The following DOC2A variants were observed in gnomAD, a reference collection of about 807,000 sequenced individuals.
The protein encoded by DOC2A is double C2 domain alpha, also known as double C2-like domain-containing protein alpha.
Under a neutral mutation model 40.6 loss-of-function variants are expected in DOC2A, and 28 were observed. That is an observed-to-expected ratio of 0.69 (90% CI 0.51 to 0.95). The LOEUF (loss-of-function observed/expected upper bound fraction) is 0.95, where lower values mean the gene tolerates loss of function less well. Among genes scored for constraint, DOC2A ranks in the 40% least tolerant of loss-of-function variants. The probability of loss-of-function intolerance (pLI) is 0.00; values close to 1 mark genes in which losing one functional copy is unlikely to be tolerated. For synonymous variants in DOC2A, 241 were observed against 236.9 expected, an observed-to-expected ratio of 1.02 and a Z score of -0.16; for missense variants, 474 against 552.5, an observed-to-expected ratio of 0.86 and a Z score of 1.42.
upstream of DOC2A, among the ~76,000 whole-genome samples, chr16:30,011,964 A>T (rs2070789444): frequency 1.3e-5 from 2 of 151,122 alleles, no homozygotes; most frequent in South Asian, 4.2e-4. Context: ...GCCATTTCTC[A>T]CCCAAACCTT....
At position 30,020,847 on chromosome 16, in the gene DOC2A, A is replaced by AAAAAC. The variant is rs1378776160; in HGVS notation, c.-376+331_-376+335dup. 2.1e-4 allele frequency among the ~76,000 whole-genome samples: 32 copies of AAAAAC among 152,082 alleles called. No individual in the cohort carries two copies. In the South Asian group the frequency reaches 4.8e-3, roughly 23 times the overall value. ...GGGCAACAGACAGAGACTCCATCTA[A>AAAAAC]AAAACAAAACAAAACAAAACAAAAA... On this transcript the variant is annotated intron_variant, in intron 1 of 5. Transcript: ENST00000574405.
chr16:30,007,341 G>A (rs768639487), intron 5 of DOC2A, 42 bp from the exon 6 acceptor site: 3 of 1,612,954 alleles, frequency 1.9e-6, no homozygotes, highest in South Asian at 1.1e-5. Flanking sequence ...GGGTACCTGA[G>A]CCCCGTTCCG....
rs1234462549 is a variant in DOC2A at position 30,010,971 on chromosome 16, A to G, written c.-82T>C. ...GCAGGCTGGGCGGCGGCGGCCGGCG[A>G]GGAGAGCGCGGAGTCGAGCTGTGCG... On this transcript the variant is annotated 5_prime_UTR_variant, in exon 1 of 11. Transcript: ENST00000350119. This position sits in a 1 kb window ranked among gnomAD's most constrained non-coding sequence, Gnocchi z 4.2. 3.0e-6 allele frequency: 3 copies of G among 1,008,616 alleles called. No homozygotes were observed. The highest frequency in any genetic ancestry group is 3.6e-5 in the South Asian group (1 of 27,442). 62.5% of individuals were successfully genotyped at this position (1,008,616 alleles called of 1,614,324 possible).
intron 1 of DOC2A, among the ~76,000 whole-genome samples, chr16:30,020,351 A>T (rs1270239228): frequency 6.6e-6 from 1 of 152,114 alleles, no homozygotes; most frequent in Non-Finnish European, 1.5e-5. Context: ...CCCAAAAACC[A>T]CATTACTGAG....
chr16:30,019,240 C>G (rs2070888211), intron 1 of DOC2A, among the ~76,000 whole-genome samples: 1 of 152,114 alleles, frequency 6.6e-6, no homozygotes, highest in Admixed American at 6.6e-5. Flanking sequence ...ATCGTTTGAA[C>G]CCGGGAGGCA....
intron 1 of DOC2A, among the ~76,000 whole-genome samples, chr16:30,020,384 GC>G (rs2070896227): frequency 6.6e-6 from 1 of 152,092 alleles, no homozygotes; most frequent in Admixed American, 6.6e-5. Flanking sequence ...CCTCTCACAT[GC>G]CTTGTGGCTT....
At chr16:30,007,503 C>G (rs1596699308) in intron 5 of DOC2A, 2 of 653,792 alleles carry the variant, frequency 3.1e-6, no homozygotes, top group East Asian at 5.6e-5. Flanking sequence ...TCCATCAGGA[C>G]ATGCTCAGCC....
Position 30,008,833 on chromosome 16 carries a change from G to T in DOC2A, c.527+163C>A, listed in dbSNP as rs1418766958. ...CAGGAGATATTGAGGGGCAGGAATG[G>T]CAGGGAAGAATTTTGGCCTGCTGCC... is the stretch of plus-strand genomic sequence containing the variant. On this transcript the variant is annotated intron_variant, in intron 5 of 10. Coordinates refer to ENST00000350119, the MANE Select transcript of DOC2A (RefSeq NM_003586.3). 10 of 632,100 alleles carry T rather than the reference G, an allele frequency of 1.6e-5. 1 individual carries two copies. In the South Asian group the frequency reaches 1.8e-4, roughly 11 times the overall value. 39.2% of individuals were successfully genotyped at this position (632,100 alleles called of 1,614,324 possible).
Position 30,006,123 on chromosome 16 carries a change from C to T in DOC2A, c.*63G>A, listed in dbSNP as rs368015035. 7 of 1,519,876 alleles carry T rather than the reference C, an allele frequency of 4.6e-6. No homozygotes were observed. Among genetic ancestry groups the T allele is most frequent in the Non-Finnish European group, 5.3e-6 (6 of 1,128,496 alleles). 94.1% of individuals were successfully genotyped at this position (1,519,876 alleles called of 1,614,324 possible). On this transcript the variant is annotated 3_prime_UTR_variant, in exon 11 of 11. Transcript: ENST00000350119. This position sits in a 1 kb window ranked among gnomAD's most constrained non-coding sequence, Gnocchi z 6.2. ...CCACCCTGTGTAAACGTGCAACACA[C>T]TCGTGCGAAGGTTGGGTACTGGACC...
At chr16:30,011,065 A>C (rs1456056114), upstream of DOC2A, 2 of 956,892 alleles carry the variant, frequency 2.1e-6, no homozygotes, top group Non-Finnish European at 2.5e-6. Context: ...GCGAGGATGC[A>C]GCCGGCGCGG....
chr16:30,020,585 G>A (rs2070897877), intron 1 of DOC2A, among the ~76,000 whole-genome samples: 1 of 151,992 alleles, frequency 6.6e-6, no homozygotes, highest in South Asian at 2.1e-4. Flanking sequence ...GCACACGCCT[G>A]TAATCCCAGC....
chr16:30,011,509 CG>C, upstream of DOC2A: 1 of 755,486 alleles, frequency 1.3e-6, no homozygotes. Context: ...GCCGGACCAC[CG>C]GCCTCGTTGT....
chr16:30,010,257 A>C lies in DOC2A; in HGVS notation c.-13-22T>G, dbSNP rs772395763. 6.2e-7 allele frequency: 1 copy of C among 1,611,474 alleles called. No homozygotes were observed. Among genetic ancestry groups the C allele is most frequent in the Non-Finnish European group, 8.5e-7 (1 of 1,179,924 alleles). Reference sequence around the variant, plus strand: ...CTGGCTAGGAGAGGGCGTGTGAGCCAGTGAGCCCATCATACCTAGCCATCC... The same window carrying C: ...CTGGCTAGGAGAGGGCGTGTGAGCCCGTGAGCCCATCATACCTAGCCATCC... On this transcript the variant is annotated intron_variant, in intron 1 of 10. Coordinates refer to ENST00000350119, the MANE Select transcript of DOC2A (RefSeq NM_003586.3). This position sits in a 1 kb window ranked among gnomAD's most constrained non-coding sequence, Gnocchi z 4.2.
At chr16:30,020,323 T>TCCCA (rs2070895750) in intron 1 of DOC2A, among the ~76,000 whole-genome samples, 1 of 152,094 alleles carries the variant, frequency 6.6e-6, no homozygotes, top group African/African-American at 2.4e-5. Flanking sequence ...GGATCATAGG[T>TCCCA]GTGAGCACCG....
At chr16:30,019,356 G>C (rs536816796) in intron 1 of DOC2A, among the ~76,000 whole-genome samples, 1 of 152,018 alleles carries the variant, frequency 6.6e-6, no homozygotes, top group African/African-American at 2.4e-5. Flanking sequence ...AAAGATGAGG[G>C]AGTGGAGACA....
chr16:30,014,983 A>G (rs1032767967), upstream of DOC2A: 6 of 152,174 alleles, frequency 3.9e-5, no homozygotes, highest in African/African-American at 1.4e-4. Flanking sequence ...AGTGCAGAGA[A>G]GCATGCTTGG....
chr16:30,007,131 C>T, intron 6 of DOC2A, 41 bp from the exon 7 acceptor site: 1 of 1,613,600 alleles, frequency 6.2e-7, no homozygotes, highest in South Asian at 1.1e-5. Flanking sequence ...CTGGCCTCCC[C>T]AGGGCCCCCT....
At position 30,007,621 on chromosome 16, in the gene DOC2A, G is replaced by A. The variant is rs927900410; in HGVS notation, c.528-322C>T. ...GTGGATGTGGCCATAGACACAGGCC[G>A]TGAGAGCTAGAAGGGCCTTGGAGCC... On this transcript the variant is annotated intron_variant, in intron 5 of 10. Coordinates refer to ENST00000350119, the MANE Select transcript of DOC2A (RefSeq NM_003586.3). 7.4e-5 allele frequency: 31 copies of A among 420,602 alleles called. 2 individuals carry two copies. The highest frequency in any genetic ancestry group is 3.2e-4 in the Admixed American group (9 of 27,956). 26.1% of individuals were successfully genotyped at this position (420,602 alleles called of 1,614,324 possible).
intron 5 of DOC2A, chr16:30,008,748 C>T (rs574688848): frequency 2.7e-5 from 12 of 450,538 alleles, no homozygotes; most frequent in African/African-American, 1.6e-4. Flanking sequence ...TCAAGTGATC[C>T]GCCCACCTCG....
Sources: gnomAD v4.1 joint callset for allele counts (sites outside exome capture counted in the v4.1 genomes callset) on GRCh38, gnomAD v4.1.1 for gene constraint, Gnocchi (gnomAD v3.1) non-coding constraint, MANE v1.5 for transcripts, NCBI Gene and HGNC (gene_info 2026-07-23, HGNC 2026-07-21) for gene names.